Variants in HACD1 observed in about 807,000 individuals in gnomAD.
The protein encoded by HACD1 is 3-hydroxyacyl-CoA dehydratase 1.
HACD1 carries 41 observed loss-of-function variants against 32.0 expected under a neutral mutation model. That is an observed-to-expected ratio of 1.28 (90% CI 1.00 to 1.66). The LOEUF (loss-of-function observed/expected upper bound fraction) is 1.66. Among genes scored for constraint, HACD1 ranks in the 40% most tolerant of loss-of-function variants. The pLI is 0.00. For missense variants in HACD1, 396 were observed against 380.1 expected, an observed-to-expected ratio of 1.04 and a Z score of -0.35; for synonymous variants, 142 against 139.0, an observed-to-expected ratio of 1.02 and a Z score of -0.15.
At chr10:17,603,385 A>G (rs1393175818) in intron 4 of HACD1, 175 bp downstream of exon 4, 1 of 558,528 alleles carries the variant, frequency 1.8e-6, no homozygotes, top group Non-Finnish European at 3.1e-6. Flanking sequence ...TTGTTTGTGT[A>G]TCAAAGTCAT....
chr10:17,601,617 C>T (rs1165501462), intron 4 of HACD1, among the ~76,000 whole-genome samples: 1 of 152,136 alleles, frequency 6.6e-6, no homozygotes, highest in Non-Finnish European at 1.5e-5. Context: ...ATTCTTCAGA[C>T]TCATGGTGGT....
chr10:17,609,931 C>T (rs139261229), intron 1 of HACD1, among the ~76,000 whole-genome samples: 130 of 148,166 alleles, frequency 8.8e-4, no homozygotes, highest in African/African-American at 3.2e-3. Context: ...TGCAGTGAGC[C>T]GAGGATGCAC....
At chr10:17,613,360 A>G (rs1295593852) in intron 1 of HACD1, among the ~76,000 whole-genome samples, 1 of 152,166 alleles carries the variant, frequency 6.6e-6, no homozygotes, top group African/African-American at 2.4e-5. Context: ...AAGAGCCTCA[A>G]CTAGTCTTCT....
At chr10:17,616,612 C>G (rs1833087849) in intron 1 of HACD1, among the ~76,000 whole-genome samples, 1 of 151,104 alleles carries the variant, frequency 6.6e-6, no homozygotes, top group Non-Finnish European at 1.5e-5. Context: ...CAAAATCGTC[C>G]CAAGTGACAA....
At chr10:17,601,661 G>C (rs1031274145) in intron 4 of HACD1, among the ~76,000 whole-genome samples, 1 of 152,090 alleles carries the variant, frequency 6.6e-6, no homozygotes, top group Non-Finnish European at 1.5e-5. Context: ...TCACTGCCTG[G>C]AAGAGTCTGT....
At chr10:17,600,213 A>G (rs781929938) in intron 4 of HACD1, among the ~76,000 whole-genome samples, 11 of 152,190 alleles carry the variant, frequency 7.2e-5, no homozygotes, top group Non-Finnish European at 1.2e-4. Context: ...CTTATTCCAT[A>G]AAAAATCTTT....
At position 17,589,628 on chromosome 10, in the gene HACD1, T is replaced by A. The variant is rs1373707118; in HGVS notation, c.*736A>T. ...ATAGTCAGATGTCATGTTTTTTTTT[T>A]AATAGTGGGGCAAATACTTATGCTC... On this transcript the variant is annotated 3_prime_UTR_variant, in exon 7 of 7. Coordinates refer to ENST00000361271, the MANE Select transcript of HACD1 (RefSeq NM_014241.4). 2 of 152,020 alleles carry A rather than the reference T, an allele frequency of 1.3e-5. No homozygotes were observed. Among genetic ancestry groups the A allele is most frequent in the East Asian group, 3.9e-4 (2 of 5,186 alleles). 9.4% of individuals were successfully genotyped at this position (152,020 alleles called of 1,614,324 possible).
chr10:17,598,259 C>CAA (rs34543137), intron 5 of HACD1, among the ~76,000 whole-genome samples: 947 of 89,518 alleles, frequency 0.011, 18 homozygotes, highest in Admixed American at 0.04. Flanking sequence ...GACCCTGTCT[C>CAA]AAAAAAAAAA....
At chr10:17,613,097 GGTGTGTGTGTGTGTGTGTGTGTGTGT>G (rs56074507) in intron 1 of HACD1, among the ~76,000 whole-genome samples, 1 of 132,814 alleles carries the variant, frequency 7.5e-6, no homozygotes, top group South Asian at 2.6e-4. Flanking sequence ...TGCAATTTGG[GGTGTGTGTGTGTGTGTGTGTGTGTGT>G]GTGTGTGTGT....
chr10:17,614,927 T>C lies in HACD1; in HGVS notation c.257+2156A>G, dbSNP rs574660468. On this transcript the variant is annotated intron_variant, in intron 1 of 6. Transcript: ENST00000361271. Reference sequence around the variant, plus strand: ...GCCATGGCGCCCGGCTAATTTTTTGTATTTTTAGTAGAGACGGGGTTTCGC... The same window carrying C: ...GCCATGGCGCCCGGCTAATTTTTTGCATTTTTAGTAGAGACGGGGTTTCGC... Among the ~76,000 whole-genome samples, 268 of 152,144 alleles carry C rather than the reference T, an allele frequency of 1.8e-3. 2 individuals are homozygous for C. Among genetic ancestry groups the C allele is most frequent in the African/African-American group, 6.4e-3 (264 of 41,544 alleles).
intron 4 of HACD1, among the ~76,000 whole-genome samples, chr10:17,601,743 C>T (rs1554816540): frequency 3.9e-5 from 6 of 152,158 alleles, no homozygotes; most frequent in Non-Finnish European, 1.5e-5. Context: ...TTGCCTCTCC[C>T]ATTGCATGTG....
intron 1 of HACD1, among the ~76,000 whole-genome samples, chr10:17,604,523 T>G (rs1188073636): frequency 1.1e-4 from 16 of 141,356 alleles, no homozygotes; most frequent in African/African-American, 3.9e-4. Context: ...ATACAGACAA[T>G]AGAATATTAG....
At chr10:17,610,974 C>T (rs1424162740) in intron 1 of HACD1, among the ~76,000 whole-genome samples, 1 of 150,978 alleles carries the variant, frequency 6.6e-6, no homozygotes, top group African/African-American at 2.4e-5. Flanking sequence ...GCCTTCATTT[C>T]CCACTCTACA....
chr10:17,606,381 C>A (rs1227430144), intron 1 of HACD1, among the ~76,000 whole-genome samples: 1 of 151,950 alleles, frequency 6.6e-6, no homozygotes, highest in Non-Finnish European at 1.5e-5. Context: ...TTCCAGTTTC[C>A]CCTGCAATTC....
Position 17,603,997 on chromosome 10 carries a change from G to A in HACD1, c.308C>T (p.Thr103Ile). 6.2e-7 allele frequency: 1 copy of A among 1,606,262 alleles called. No homozygotes were observed. The highest frequency in any genetic ancestry group is 8.5e-7 in the Non-Finnish European group (1 of 1,177,866). The change falls in exon 2 of 7, where the codon ACA (threonine) becomes ATA (isoleucine). Residue 103 changes from threonine to isoleucine, a missense_variant. Physicochemically the swap from Thr to Ile is moderately conservative, Grantham distance 89 (BLOSUM62 -1). Transcript: ENST00000361271. ...AATACTTTTATATAAACCTCTGTGT[G>A]TTCCTTTTTCCATATAAAAACGTAC... ...AMVRFYMEKG[T>I]HRGLYKSIQK...
intron 1 of HACD1, 120 bp downstream of exon 1, chr10:17,616,963 C>T (rs1833096152): frequency 2.6e-6 from 3 of 1,138,996 alleles, no homozygotes; most frequent in Non-Finnish European, 2.2e-6. Context: ...AGCTCCCTTC[C>T]CCCACGGCCG....
chr10:17,605,649 A>G lies in HACD1; in HGVS notation c.258-1602T>C, dbSNP rs77279315. ...GGGCCTGCTTTCAAAAAGGTTGTTT[A>G]AAAAAAAAAAAACAAAAGAAGAGGC... On this transcript the variant is annotated intron_variant, in intron 1 of 6. Coordinates refer to ENST00000361271, the MANE Select transcript of HACD1 (RefSeq NM_014241.4). Among the ~76,000 whole-genome samples, 524 of 139,764 alleles carry G rather than the reference A, an allele frequency of 3.7e-3. 3 individuals are homozygous for G. Among genetic ancestry groups the G allele is most frequent in the African/African-American group, 0.013 (500 of 39,294 alleles). The allele number at this position is 139,764 out of a possible 152,430, so 91.7% of individuals were successfully genotyped here.
intron 1 of HACD1, among the ~76,000 whole-genome samples, chr10:17,608,166 T>C (rs1215996392): frequency 2.6e-5 from 4 of 152,088 alleles, no homozygotes; most frequent in African/African-American, 9.7e-5. Flanking sequence ...TGTACCACCA[T>C]ACCTGGCTCA....
Position 17,615,690 on chromosome 10 carries a change from G to A in HACD1, c.257+1393C>T, listed in dbSNP as rs182900991. 2.6e-5 allele frequency: 6 copies of A among 230,896 alleles called. No individual in the cohort carries two copies. In the East Asian group the frequency reaches 5.0e-4, roughly 19 times the overall value. The allele number at this position is 230,896 out of a possible 1,614,324, so 14.3% of individuals were successfully genotyped here. ...AAAATTAAAATAAAATATTAGGCCC[G>A]GTGCGATGGCTCACACCTGTAATCC... On this transcript the variant is annotated intron_variant, in intron 1 of 6. Transcript: ENST00000361271.
Sources: allele counts gnomAD v4.1 joint callset (sites outside exome capture counted in the v4.1 genomes callset), GRCh38; gene constraint gnomAD v4.1.1; transcripts MANE v1.5; gene names NCBI Gene and HGNC (gene_info 2026-07-23, HGNC 2026-07-21).